RNF13: variants seen among roughly 807,000 people sequenced by gnomAD.
RNF13 encodes E3 ubiquitin-protein ligase RNF13.
Under a neutral mutation model 37.7 loss-of-function variants are expected in RNF13, and 19 were observed. The observed-to-expected ratio is 0.50, with a 90% CI of 0.35 to 0.74. The LOEUF is 0.74. RNF13 is among the 30% of genes least tolerant of loss of function. The pLI is 0.01. For missense variants in RNF13, 375 were observed against 453.0 expected, an observed-to-expected ratio of 0.83 and a Z score of 1.56; for synonymous variants, 144 against 157.8, an observed-to-expected ratio of 0.91 and a Z score of 0.65.
chr3:149,947,052 A>G (rs1441395993), intron 8 of RNF13, among the ~76,000 whole-genome samples: 1 of 151,910 alleles, frequency 6.6e-6, no homozygotes, highest in Non-Finnish European at 1.5e-5. Context: ...ATTAATTCCT[A>G]TACATTTGTG....
intron 8 of RNF13, among the ~76,000 whole-genome samples, chr3:149,942,373 T>G (rs1720364682): frequency 6.6e-6 from 1 of 152,190 alleles, no homozygotes; most frequent in South Asian, 2.1e-4. Context: ...TTTGATTTCT[T>G]GTGGCAGTGT....
chr3:149,958,346 T>C (rs530766567), intron 8 of RNF13, among the ~76,000 whole-genome samples: 1 of 152,304 alleles, frequency 6.6e-6, no homozygotes, highest in Admixed American at 6.5e-5. Flanking sequence ...ACTCAATTCC[T>C]TGACTTGTGA....
At chr3:149,843,340 C>G (rs1346991476) in intron 1 of RNF13, among the ~76,000 whole-genome samples, 1 of 152,150 alleles carries the variant, frequency 6.6e-6, no homozygotes, top group African/African-American at 2.4e-5. Flanking sequence ...AGGGACAACT[C>G]TATACATTGC....
At chr3:149,874,737 T>C (rs980872325) in intron 4 of RNF13, among the ~76,000 whole-genome samples, 2 of 152,164 alleles carry the variant, frequency 1.3e-5, no homozygotes, top group Non-Finnish European at 2.9e-5. Context: ...GTATGTTTCA[T>C]AAATTTGTAA....
rs575462208 is a variant in RNF13 at position 149,961,075 on chromosome 3, C to T, written c.1117C>T (p.Arg373Trp). ...VVVQLQPNGE[R>W]DYNIANTV The stretch of plus-strand genomic sequence containing the variant: ...GGTCCAGTTGCAGCCTAATGGTGAA[C>T]GGGATTACAACATAGCAAATACTGT... The change falls in exon 10 of 10, where the codon CGG (arginine) becomes TGG (tryptophan). Residue 373 changes from arginine (R) to tryptophan (W), a missense_variant. Arg to Trp is a moderately radical substitution (Grantham distance 101). Transcript: ENST00000392894. 44 of 1,612,378 alleles carry T rather than the reference C, an allele frequency of 2.7e-5. No homozygotes were observed. Among genetic ancestry groups the T allele is most frequent in the African/African-American group, 9.3e-5 (7 of 74,960 alleles).
At chr3:149,948,107 G>A (rs965375800) in intron 8 of RNF13, among the ~76,000 whole-genome samples, 9 of 151,990 alleles carry the variant, frequency 5.9e-5, no homozygotes, top group African/African-American at 1.9e-4. Flanking sequence ...ACGCCACCAT[G>A]TCCAGCTAAT....
At chr3:149,849,222 G>A (rs1722918806) in intron 2 of RNF13, among the ~76,000 whole-genome samples, 1 of 152,204 alleles carries the variant, frequency 6.6e-6, no homozygotes, top group Admixed American at 6.5e-5. Flanking sequence ...CAAGTGACAT[G>A]TTAGTTTTGA....
At chr3:149,907,061 G>A (rs1487842737) in intron 6 of RNF13, among the ~76,000 whole-genome samples, 2 of 152,062 alleles carry the variant, frequency 1.3e-5, no homozygotes, top group Admixed American at 6.6e-5. Flanking sequence ...TATCATAAGT[G>A]GAGTCTCCTC....
At chr3:149,915,012 T>A (rs1365113291) in intron 7 of RNF13, among the ~76,000 whole-genome samples, 1 of 152,124 alleles carries the variant, frequency 6.6e-6, no homozygotes, top group Non-Finnish European at 1.5e-5. Context: ...CTATATTTTT[T>A]GGGAAAATAA....
intron 8 of RNF13, among the ~76,000 whole-genome samples, chr3:149,945,012 T>C (rs1338802594): frequency 2.0e-5 from 3 of 152,244 alleles, no homozygotes; most frequent in Non-Finnish European, 4.4e-5. Flanking sequence ...GGATCCAGTT[T>C]CAGCTTTCCA....
In RNF13 at chr3:149,948,468, G is replaced by A. The variant is rs185203201; in HGVS notation, c.701-11588G>A. The stretch of plus-strand genomic sequence containing the variant: ...TTTTTTGTTGATTTTTTCTAGTGAC[G>A]TTTTGATTCCCTTATTTCCCTTTGT... On this transcript the variant is annotated intron_variant, in intron 8 of 9. Coordinates refer to ENST00000392894, the MANE Select transcript of RNF13 (RefSeq NM_183381.3). Among the ~76,000 whole-genome samples the A allele has an allele frequency of 1.8e-3, 273 of 151,996 alleles. 1 individual carries two copies. Among genetic ancestry groups the A allele is most frequent in the Non-Finnish European group, 1.7e-3 (114 of 67,976 alleles).
chr3:149,908,723 T>C (rs1170197377), intron 6 of RNF13, among the ~76,000 whole-genome samples: 2 of 152,230 alleles, frequency 1.3e-5, no homozygotes, highest in East Asian at 1.9e-4. Flanking sequence ...CAGAAGGCTC[T>C]GCTGTGTGGC....
At chr3:149,831,754 A>G (rs1721080161) in intron 1 of RNF13, among the ~76,000 whole-genome samples, 1 of 151,524 alleles carries the variant, frequency 6.6e-6, no homozygotes, top group Admixed American at 6.6e-5. Context: ...AGGGGCAGGT[A>G]TTTCTTCATA....
At chr3:149,947,749 T>C (rs778020202) in intron 8 of RNF13, among the ~76,000 whole-genome samples, 14 of 152,150 alleles carry the variant, frequency 9.2e-5, no homozygotes, top group Non-Finnish European at 1.9e-4. Flanking sequence ...ACTGCTTTGA[T>C]GTTAGATGTG....
At chr3:149,865,343 T>TATATATATATATATA (rs939468937) in intron 3 of RNF13, among the ~76,000 whole-genome samples, 4 of 147,092 alleles carry the variant, frequency 2.7e-5, no homozygotes, top group Non-Finnish European at 4.5e-5. Flanking sequence ...TATATATATA[T>TATATATATATATATA]ATATATATGT....
At chr3:149,856,965 G>T (rs1041685266) in intron 3 of RNF13, among the ~76,000 whole-genome samples, 11 of 152,132 alleles carry the variant, frequency 7.2e-5, no homozygotes, top group African/African-American at 2.7e-4. Context: ...AGCTAGAATG[G>T]TCTCAATCTT....
intron 6 of RNF13, among the ~76,000 whole-genome samples, chr3:149,909,442 A>ATTTTTTTTT (rs35918938): frequency 1.3e-4 from 15 of 114,442 alleles, no homozygotes; most frequent in Admixed American, 1.9e-4. Flanking sequence ...TGCCTGGTTA[A>ATTTTTTTTT]TTTTTTTTTT....
intron 7 of RNF13, among the ~76,000 whole-genome samples, chr3:149,918,011 A>G (rs541309960): frequency 1.3e-5 from 2 of 152,312 alleles, no homozygotes; most frequent in East Asian, 3.9e-4. Context: ...AGCAGTGCTA[A>G]GAATAGAACA....
chr3:149,821,826 T>C (rs1720022317), intron 1 of RNF13, among the ~76,000 whole-genome samples: 1 of 152,200 alleles, frequency 6.6e-6, no homozygotes, highest in South Asian at 2.1e-4. Context: ...TTGTGTTAAT[T>C]GTTGTATATG....
Sources: gnomAD v4.1 joint callset for allele counts (sites outside exome capture counted in the v4.1 genomes callset) on GRCh38, gnomAD v4.1.1 for gene constraint, MANE v1.5 for transcripts, NCBI Gene and HGNC (gene_info 2026-07-23, HGNC 2026-07-21) for gene names.